Variants in IQCM observed in about 807,000 individuals in gnomAD.
IQCM encodes IQ motif containing M.
A neutral mutation model predicts 57.6 loss-of-function variants in IQCM; 45 were observed. The ratio of observed to expected loss-of-function variants is 0.78; its 90% CI spans 0.62 to 1.00. The LOEUF is 1.00. Among genes scored for constraint, IQCM ranks in the 50% least tolerant of loss-of-function variants. The probability of loss-of-function intolerance (pLI) is 0.00; values close to 1 mark genes in which losing one functional copy is unlikely to be tolerated. For synonymous variants in IQCM, 148 were observed against 158.9 expected (o/e 0.93, Z 0.51); for missense variants, 468 against 511.6 (o/e 0.91, Z 0.82).
chr4:149,690,966 A>T (rs2149795707), intron 5 of IQCM: 1 of 152,168 alleles, frequency 6.6e-6, no homozygotes, highest in Non-Finnish European at 1.5e-5. Context: ...AAAAGTGGGT[A>T]ATTTCTGCCT....
chr4:149,686,491 A>G (rs1222933009), intron 5 of IQCM, 23 bp from the exon 6 acceptor site: 2 of 998,582 alleles, frequency 2.0e-6, no homozygotes, highest in Non-Finnish European at 2.6e-6. Flanking sequence ...TAAAGTTTTA[A>G]TTGCATACTA....
chr4:149,656,742 T>C (rs532977816), intron 7 of IQCM, among the ~76,000 whole-genome samples: 4 of 152,218 alleles, frequency 2.6e-5, no homozygotes, highest in African/African-American at 7.2e-5. Flanking sequence ...GGAGAGTTGA[T>C]GCACTGGTAC....
intron 13 of IQCM, among the ~76,000 whole-genome samples, chr4:149,419,108 A>T (rs953736941): frequency 6.6e-6 from 1 of 152,176 alleles, no homozygotes; most frequent in African/African-American, 2.4e-5. Flanking sequence ...TTAAACTACC[A>T]TTGAGATTCT....
At chr4:149,439,293 C>T (rs1428638661) in intron 12 of IQCM, among the ~76,000 whole-genome samples, 1 of 151,994 alleles carries the variant, frequency 6.6e-6, no homozygotes, top group Admixed American at 6.6e-5. Flanking sequence ...AACATTTTAA[C>T]TTTATTTTCA....
At chr4:149,538,708 T>C (rs1363346967) in intron 12 of IQCM, among the ~76,000 whole-genome samples, 4 of 151,862 alleles carry the variant, frequency 2.6e-5, no homozygotes, top group Non-Finnish European at 5.9e-5. Flanking sequence ...GTCATTAAAA[T>C]ACTTGGAAAA....
chr4:149,601,278 A>G (rs1450359454), intron 8 of IQCM, among the ~76,000 whole-genome samples: 2 of 152,148 alleles, frequency 1.3e-5, no homozygotes, highest in Non-Finnish European at 2.9e-5. Context: ...CAACACATAG[A>G]GTAGACAGGG....
rs569253908 is a variant in IQCM at position 149,549,378 on chromosome 4, C to T, written c.1094-789G>A. 4.6e-5 allele frequency among the ~76,000 whole-genome samples: 7 copies of T among 151,998 alleles called. No homozygotes were observed. In the South Asian group the frequency reaches 6.2e-4, roughly 14 times the overall value. ...AAAATACAAAAAAAAATTAGCCGGG[C>T]GTAGTGGCGGGCGCCTGTAGTCCCA... On this transcript the variant is annotated intron_variant, in intron 11 of 13. Transcript: ENST00000636793.
chr4:149,786,790 ACCAGAAATACCATTTGAC>A (rs1772119587), intron 2 of IQCM, among the ~76,000 whole-genome samples: 1 of 152,146 alleles, frequency 6.6e-6, no homozygotes, highest in Non-Finnish European at 1.5e-5. Context: ...AGGGTCTAGA[ACCAGAAATACCATTTGAC>A]CCAGCAATCC....
At chr4:149,357,101 C>T (rs961980436) in intron 13 of IQCM, among the ~76,000 whole-genome samples, 1 of 152,054 alleles carries the variant, frequency 6.6e-6, no homozygotes, top group East Asian at 1.9e-4. Context: ...ATTTTGTATC[C>T]TGAGACTTTG....
intron 2 of IQCM, among the ~76,000 whole-genome samples, chr4:149,802,371 T>A (rs200931837): frequency 4.6e-5 from 7 of 152,038 alleles, no homozygotes; most frequent in Non-Finnish European, 1.5e-5. Context: ...ACTGGCTGTG[T>A]TGGCTCTTGA....
intron 13 of IQCM, among the ~76,000 whole-genome samples, chr4:149,369,449 T>TA (rs999444152): frequency 4.6e-5 from 7 of 151,948 alleles, no homozygotes; most frequent in Admixed American, 3.3e-4. Context: ...TTTTAAAACC[T>TA]AAAAAAAATG....
At chr4:149,731,396 C>T (rs1766445350) in intron 5 of IQCM, among the ~76,000 whole-genome samples, 1 of 152,126 alleles carries the variant, frequency 6.6e-6, no homozygotes, top group South Asian at 2.1e-4. Context: ...CACAAAACCA[C>T]ATGCTAGTTA....
At chr4:149,702,506 A>C (rs1288590327) in intron 5 of IQCM, among the ~76,000 whole-genome samples, 1 of 151,914 alleles carries the variant, frequency 6.6e-6, no homozygotes, top group African/African-American at 2.4e-5. Context: ...CCTGACATAA[A>C]TTAAGCACTC....
At position 149,425,927 on chromosome 4, in the gene IQCM, A is replaced by G. The variant is rs181355062; in HGVS notation, c.1390+7469T>C. Among the ~76,000 whole-genome samples the G allele has an allele frequency of 1.0e-3, 157 of 152,134 alleles. 1 individual carries two copies. Among genetic ancestry groups the G allele is most frequent in the African/African-American group, 3.6e-3 (150 of 41,556 alleles). On this transcript the variant is annotated intron_variant, in intron 13 of 13. Transcript: ENST00000636793. The stretch of plus-strand genomic sequence containing the variant: ...ATTACTTCAAGATCTATCTACATGT[A>G]TATTTTATACTGCCAGATGTACTCA...
chr4:149,510,782 G>T (rs1425580801), intron 12 of IQCM, among the ~76,000 whole-genome samples: 2 of 152,246 alleles, frequency 1.3e-5, no homozygotes, highest in East Asian at 3.9e-4. Context: ...CTGGGGTTAT[G>T]TGTTTGTAGA....
At chr4:149,740,859 G>A (rs1369678355) in intron 3 of IQCM, among the ~76,000 whole-genome samples, 2 of 152,134 alleles carry the variant, frequency 1.3e-5, no homozygotes, top group African/African-American at 2.4e-5. Context: ...TGGAGAGAAG[G>A]ATTAGAGTGC....
At chr4:149,519,033 C>G (rs1745301843) in intron 12 of IQCM, among the ~76,000 whole-genome samples, 1 of 152,190 alleles carries the variant, frequency 6.6e-6, no homozygotes, top group Non-Finnish European at 1.5e-5. Context: ...AGAGGAAAGA[C>G]ACTAAATCCC....
intron 9 of IQCM, among the ~76,000 whole-genome samples, chr4:149,571,259 T>C (rs1181924175): frequency 6.6e-6 from 1 of 151,922 alleles, no homozygotes; most frequent in Admixed American, 6.6e-5. Context: ...TGTTAACATA[T>C]GAATGAAAAA....
intron 12 of IQCM, among the ~76,000 whole-genome samples, chr4:149,506,982 G>A (rs748410309): frequency 1.3e-5 from 2 of 152,150 alleles, no homozygotes; most frequent in East Asian, 1.9e-4. Context: ...CACATGTAGT[G>A]GAAGGGACCT....
Sources: allele counts gnomAD v4.1 joint callset (sites outside exome capture counted in the v4.1 genomes callset), GRCh38; gene constraint gnomAD v4.1.1; transcripts MANE v1.5; gene names NCBI Gene and HGNC (gene_info 2026-07-23, HGNC 2026-07-21).